The following GRXCR1 variants were observed in gnomAD, a reference collection of about 807,000 sequenced individuals.
GRXCR1 encodes glutaredoxin domain-containing cysteine-rich protein 1.
A neutral mutation model predicts 27.3 loss-of-function variants in GRXCR1; 27 were observed. That is an observed-to-expected ratio of 0.99 (90% CI 0.73 to 1.37). GRXCR1 has a LOEUF of 1.37. Among genes scored for constraint, GRXCR1 ranks in the 40% most tolerant of loss-of-function variants. The probability of loss-of-function intolerance (pLI) is 0.00; values close to 1 mark genes in which losing one functional copy is unlikely to be tolerated. For synonymous variants in GRXCR1, 122 were observed against 131.1 expected (o/e 0.93, Z 0.47); for missense variants, 379 against 354.4 (o/e 1.07, Z -0.56).
intron 2 of GRXCR1, among the ~76,000 whole-genome samples, chr4:42,973,216 G>T (rs1019893057): frequency 1.3e-5 from 2 of 151,604 alleles, no homozygotes; most frequent in African/African-American, 4.8e-5. Flanking sequence ...ACTCCACATT[G>T]CCATGGGCAT....
At chr4:43,028,880 C>G (rs1037152332) in intron 3 of GRXCR1, among the ~76,000 whole-genome samples, 2 of 152,086 alleles carry the variant, frequency 1.3e-5, no homozygotes, top group Non-Finnish European at 1.5e-5. Flanking sequence ...ACAGTCTTGA[C>G]AAAATTAATT....
In GRXCR1 at chr4:42,893,543, G is replaced by A; in HGVS notation, c.277G>A (p.Gly93Ser). 6.2e-7 allele frequency: 1 copy of A among 1,613,708 alleles called. No homozygotes were observed. The highest frequency in any genetic ancestry group is 2.2e-5 in the East Asian group (1 of 44,860). Reference sequence around the variant, plus strand: ...AAGGGCTGCCAGTGAGAAGGGTTTTGGTACAAGAAGAGTCAACATTTTAAG... The same window carrying A: ...AAGGGCTGCCAGTGAGAAGGGTTTTAGTACAAGAAGAGTCAACATTTTAAG... The part of the protein sequence containing the change: ...LARAASEKGF[G>S]TRRVNILSKN... The change falls in exon 1 of 4, where the codon GGT becomes AGT. Residue 93 changes from glycine to serine, a missense_variant. Physicochemically the swap from Gly to Ser is moderately conservative, Grantham distance 56 (BLOSUM62 0). Coordinates refer to ENST00000399770, the MANE Select transcript of GRXCR1 (RefSeq NM_001080476.3).
intron 1 of GRXCR1, among the ~76,000 whole-genome samples, chr4:42,897,033 T>C (rs1235630709): frequency 6.6e-6 from 1 of 152,100 alleles, no homozygotes; most frequent in Non-Finnish European, 1.5e-5. Flanking sequence ...TCTATCTAGA[T>C]ACATAAGTTT....
At chr4:42,963,668 G>A (rs1424200116) in intron 2 of GRXCR1, among the ~76,000 whole-genome samples, 1 of 151,928 alleles carries the variant, frequency 6.6e-6, no homozygotes, top group Non-Finnish European at 1.5e-5. Flanking sequence ...ACGGTAAGCA[G>A]AGAGAACTCC....
chr4:42,966,624 T>C (rs1258474203), intron 2 of GRXCR1, among the ~76,000 whole-genome samples: 1 of 152,096 alleles, frequency 6.6e-6, no homozygotes, highest in Non-Finnish European at 1.5e-5. Flanking sequence ...GCTTCTGCCA[T>C]AGTCAAGAAG....
At chr4:42,987,716 G>GTTCA (rs770652194) in intron 2 of GRXCR1, among the ~76,000 whole-genome samples, 40 of 152,206 alleles carry the variant, frequency 2.6e-4, no homozygotes, top group Non-Finnish European at 5.6e-4. Context: ...ATGAGGTGTG[G>GTTCA]TTCAGTTCAG....
At chr4:43,001,558 T>C (rs1560682930) in intron 2 of GRXCR1, among the ~76,000 whole-genome samples, 1 of 151,916 alleles carries the variant, frequency 6.6e-6, no homozygotes, top group East Asian at 1.9e-4. Flanking sequence ...TAAAAACACA[T>C]GTCCTCGGTG....
chr4:42,914,820 T>C (rs895887052), intron 1 of GRXCR1, among the ~76,000 whole-genome samples: 3 of 152,142 alleles, frequency 2.0e-5, no homozygotes, highest in Non-Finnish European at 4.4e-5. Context: ...GTGGAGATAA[T>C]TGAATCATGG....
chr4:42,983,142 C>T (rs1711542706), intron 2 of GRXCR1, among the ~76,000 whole-genome samples: 1 of 150,666 alleles, frequency 6.6e-6, no homozygotes, highest in Non-Finnish European at 1.5e-5. Context: ...TGCCTATGTC[C>T]TGAATGGTAA....
intron 1 of GRXCR1, among the ~76,000 whole-genome samples, chr4:42,904,286 C>G (rs529790498): frequency 2.6e-5 from 4 of 152,314 alleles, no homozygotes; most frequent in Non-Finnish European, 5.9e-5. Flanking sequence ...ACTCTTGGGA[C>G]TACTTACCTT....
At chr4:42,908,619 T>C (rs533563249) in intron 1 of GRXCR1, among the ~76,000 whole-genome samples, 1 of 152,310 alleles carries the variant, frequency 6.6e-6, no homozygotes, top group Non-Finnish European at 1.5e-5. Flanking sequence ...CTATGCCTAT[T>C]TATAAATGGA....
chr4:42,947,472 T>A (rs538627838), intron 1 of GRXCR1, among the ~76,000 whole-genome samples: 1 of 152,298 alleles, frequency 6.6e-6, no homozygotes, highest in South Asian at 2.1e-4. Context: ...ATTATGGCAG[T>A]ACATTCAATT....
intron 2 of GRXCR1, among the ~76,000 whole-genome samples, chr4:43,008,372 A>G (rs115471626): frequency 0.021 from 3,187 of 152,238 alleles, 52 homozygotes; most frequent in Non-Finnish European, 0.03. Flanking sequence ...GTGTTTCATG[A>G]GAAGGGAAAT....
chr4:42,939,273 T>C (rs1258674858), intron 1 of GRXCR1, among the ~76,000 whole-genome samples: 1 of 152,082 alleles, frequency 6.6e-6, no homozygotes, highest in Non-Finnish European at 1.5e-5. Context: ...CTATTGTAAA[T>C]GATATTACTT....
chr4:43,007,317 C>A (rs1712594276), intron 2 of GRXCR1, among the ~76,000 whole-genome samples: 1 of 152,026 alleles, frequency 6.6e-6, no homozygotes, highest in South Asian at 2.1e-4. Flanking sequence ...GAAAGGAAGC[C>A]CAGTGAGACC....
intron 1 of GRXCR1, among the ~76,000 whole-genome samples, chr4:42,924,186 C>A (rs1747088363): frequency 6.6e-6 from 1 of 152,076 alleles, no homozygotes; most frequent in South Asian, 2.1e-4. Context: ...TCGGGTCTTA[C>A]AATTCACTTT....
intron 1 of GRXCR1, among the ~76,000 whole-genome samples, chr4:42,959,892 G>A (rs1449639401): frequency 6.6e-6 from 1 of 151,874 alleles, no homozygotes; most frequent in African/African-American, 2.4e-5. Context: ...CTAGGATTTG[G>A]AGATTTTCAA....
At chr4:42,978,095 A>C (rs73177750) in intron 2 of GRXCR1, among the ~76,000 whole-genome samples, 4,010 of 152,156 alleles carry the variant, frequency 0.026, 174 homozygotes, top group African/African-American at 0.091. Context: ...CGTTTGTTGA[A>C]AATATGTTGG....
intron 1 of GRXCR1, among the ~76,000 whole-genome samples, chr4:42,938,611 T>C (rs992207832): frequency 1.3e-5 from 2 of 152,042 alleles, no homozygotes; most frequent in African/African-American, 4.8e-5. Flanking sequence ...TTTCCCCATA[T>C]ATTCTTGTAG....
Sources: gnomAD v4.1 joint callset for allele counts (sites outside exome capture counted in the v4.1 genomes callset) on GRCh38, gnomAD v4.1.1 for gene constraint, MANE v1.5 for transcripts, NCBI Gene and HGNC (gene_info 2026-07-23, HGNC 2026-07-21) for gene names.